Variants in CREB5 observed in about 807,000 individuals in gnomAD.
The protein encoded by CREB5 is cyclic AMP-responsive element-binding protein 5.
CREB5 carries 19 observed loss-of-function variants against 57.1 expected under a neutral mutation model. The ratio of observed to expected loss-of-function variants is 0.33; its 90% confidence interval spans 0.23 to 0.49. The LOEUF is 0.49. Among genes scored for constraint, CREB5 ranks in the 20% least tolerant of loss-of-function variants. The pLI is 0.99. For synonymous variants in CREB5, 238 were observed against 238.3 expected, an observed-to-expected ratio of 1.00 and a Z score of 0.01; for missense variants, 579 against 671.6, an observed-to-expected ratio of 0.86 and a Z score of 1.52.
chr7:28,360,061 A>C (rs1304723468), intron 1 of CREB5, among the ~76,000 whole-genome samples: 1 of 152,230 alleles, frequency 6.6e-6, no homozygotes, highest in East Asian at 1.9e-4. Context: ...TATTCTCAAA[A>C]GATGAAAGAT....
intron 5 of CREB5, among the ~76,000 whole-genome samples, chr7:28,580,388 C>A (rs1796071467): frequency 7.0e-6 from 1 of 142,090 alleles, no homozygotes; most frequent in Admixed American, 6.9e-5. Flanking sequence ...GTGGGGGGGG[C>A]ATGTGGTGTC....
chr7:28,345,889 G>GC (rs1786049427), intron 1 of CREB5, among the ~76,000 whole-genome samples: 1 of 152,142 alleles, frequency 6.6e-6, no homozygotes, highest in Non-Finnish European at 1.5e-5. Context: ...GGGTGGCATG[G>GC]CAGGGGCTTA....
intron 1 of CREB5, among the ~76,000 whole-genome samples, chr7:28,469,543 C>T (rs1040797381): frequency 6.6e-6 from 1 of 152,162 alleles, no homozygotes; most frequent in African/African-American, 2.4e-5. Flanking sequence ...AATGTCTCTG[C>T]CAATGAATGA....
chr7:28,560,936 GCGTGCGTGTGTGTGCGTGTGTGTGC>G (rs1795197159), intron 4 of CREB5, among the ~76,000 whole-genome samples: 1 of 91,210 alleles, frequency 1.1e-5, no homozygotes, highest in Non-Finnish European at 2.1e-5. Flanking sequence ...GTGCGTGTGT[GCGTGCGTGTGTGTGCGTGTGTGTGC>G]GTGTGTGTGT....
At chr7:28,488,282 G>A in intron 2 of CREB5, 36 bp downstream of exon 2, 2 of 1,599,322 alleles carry the variant, frequency 1.3e-6, no homozygotes, top group Non-Finnish European at 1.7e-6. Context: ...TGACATGCAG[G>A]GCCTGCTTTC....
At chr7:28,785,366 C>T (rs1807261019) in intron 7 of CREB5, among the ~76,000 whole-genome samples, 1 of 152,208 alleles carries the variant, frequency 6.6e-6, no homozygotes, top group Admixed American at 6.5e-5. Context: ...ATGTAGGTTG[C>T]GTGAATGCAG....
At chr7:28,758,037 CGCA>C (rs991943167) in intron 7 of CREB5, among the ~76,000 whole-genome samples, 1 of 151,956 alleles carries the variant, frequency 6.6e-6, no homozygotes, top group Admixed American at 6.6e-5. Flanking sequence ...GTAGTGTGGG[CGCA>C]GCAGCAGCAG....
chr7:28,743,115 T>C (rs957695995), intron 7 of CREB5, among the ~76,000 whole-genome samples: 18 of 152,194 alleles, frequency 1.2e-4, no homozygotes, highest in African/African-American at 3.6e-4. Flanking sequence ...GTGTTGAGAC[T>C]TGGATGACAG....
At chr7:28,622,092 A>T (rs1270825473) in intron 5 of CREB5, among the ~76,000 whole-genome samples, 3 of 152,198 alleles carry the variant, frequency 2.0e-5, no homozygotes, top group Non-Finnish European at 2.9e-5. Context: ...TATTTCTTGT[A>T]AAGCAGCTCT....
chr7:28,589,141 C>T (rs1206217753), intron 5 of CREB5, among the ~76,000 whole-genome samples: 1 of 152,168 alleles, frequency 6.6e-6, no homozygotes, highest in African/African-American at 2.4e-5. Context: ...GCTATACTTG[C>T]TTTATCATAT....
Position 28,459,268 on chromosome 7 carries a change from C to T in CREB5, c.4-28907C>T, listed in dbSNP as rs188500027. 2.6e-5 allele frequency among the ~76,000 whole-genome samples: 4 copies of T among 152,288 alleles called. No homozygotes were observed. The South Asian group carries it at 6.2e-4, about 24-fold the overall frequency. On this transcript the variant is annotated intron_variant, in intron 1 of 10. Coordinates refer to ENST00000357727, the MANE Select transcript of CREB5 (RefSeq NM_182898.4). Reference sequence around the variant, plus strand: ...ACACCCCACCTGTCTCAGCCTTTGTCCAGTGATCCAGTTTTTCTGTTTAAT... The same window carrying T: ...ACACCCCACCTGTCTCAGCCTTTGTTCAGTGATCCAGTTTTTCTGTTTAAT...
chr7:28,466,735 G>A (rs745916472), intron 1 of CREB5, among the ~76,000 whole-genome samples: 1 of 152,208 alleles, frequency 6.6e-6, no homozygotes, highest in East Asian at 1.9e-4. Flanking sequence ...ACATCTCTCC[G>A]GTGTGTTGAC....
At chr7:28,632,857 A>G (rs1798257645) in intron 5 of CREB5, among the ~76,000 whole-genome samples, 1 of 152,108 alleles carries the variant, frequency 6.6e-6, no homozygotes, top group Non-Finnish European at 1.5e-5. Flanking sequence ...TTTGTTTATC[A>G]TCTACCTCCT....
At position 28,363,363 on chromosome 7, in the gene CREB5, G is replaced by A. The variant is rs16874535; in HGVS notation, c.-25+63922G>A. Among the ~76,000 whole-genome samples, 240 of 152,194 alleles carry A rather than the reference G, an allele frequency of 1.6e-3. 1 individual carries two copies. The highest frequency in any genetic ancestry group is 4.6e-3 in the African/African-American group (190 of 41,526). On this transcript the variant is annotated intron_variant, in intron 1 of 9. Transcript: ENST00000396299. ...ATTGGCTAGGATGACCTAATTTTGG[G>A]ATGCTGACCCTGAATGGAGTGTGAC... is the stretch of plus-strand genomic sequence containing the variant.
At chr7:28,482,675 CT>C (rs1791382938) in intron 1 of CREB5, among the ~76,000 whole-genome samples, 1 of 152,202 alleles carries the variant, frequency 6.6e-6, no homozygotes, top group South Asian at 2.1e-4. Context: ...GTGATAAATG[CT>C]GATAAATGTT....
intron 6 of CREB5, among the ~76,000 whole-genome samples, chr7:28,721,308 AG>A (rs1334369537): frequency 6.6e-6 from 1 of 152,216 alleles, no homozygotes; most frequent in Non-Finnish European, 1.5e-5. Flanking sequence ...AATATTCAAC[AG>A]GCCTCAGGTT....
At chr7:28,326,480 C>T (rs1785609216) in intron 1 of CREB5, among the ~76,000 whole-genome samples, 1 of 152,210 alleles carries the variant, frequency 6.6e-6, no homozygotes. Context: ...AGCCCCACTG[C>T]TGTTTGATAT....
At chr7:28,784,634 A>G (rs146727691) in intron 7 of CREB5, among the ~76,000 whole-genome samples, 104 of 152,254 alleles carry the variant, frequency 6.8e-4, no homozygotes, top group African/African-American at 2.4e-3. Flanking sequence ...ATTTCGCGCC[A>G]GTGTGTGGGA....
At chr7:28,674,177 A>G (rs892516321) in intron 5 of CREB5, among the ~76,000 whole-genome samples, 5 of 152,088 alleles carry the variant, frequency 3.3e-5, no homozygotes, top group Admixed American at 2.0e-4. Context: ...CTGCATTACA[A>G]GAGTCCCTTT....
Sources: allele counts gnomAD v4.1 joint callset (sites outside exome capture counted in the v4.1 genomes callset), GRCh38; gene constraint gnomAD v4.1.1; transcripts MANE v1.5; gene names NCBI Gene and HGNC (gene_info 2026-07-23, HGNC 2026-07-21).